Variants in FBN3 observed in about 807,000 individuals in gnomAD.
The protein encoded by FBN3 is fibrillin 3, also known as fibrillin-3.
A neutral mutation model predicts 330.1 loss-of-function variants in FBN3; 234 were observed. That is an observed-to-expected ratio of 0.71 (90% CI 0.64 to 0.79). The LOEUF (loss-of-function observed/expected upper bound fraction) is 0.79, where lower values mean the gene tolerates loss of function less well. Ranked by LOEUF, FBN3 falls within the 30% of genes least tolerant of loss-of-function variation. The pLI is 0.00. For missense variants in FBN3, 3,606 were observed against 3,886.9 expected (o/e 0.93, Z 1.92); for synonymous variants, 1,458 against 1,517.3 (o/e 0.96, Z 0.91).
chr19:8,090,396 G>A (rs2082068339), intron 48 of FBN3, 145 bp from the exon 49 acceptor site: 1 of 894,208 alleles, frequency 1.1e-6, no homozygotes, highest in Non-Finnish European at 1.7e-6. Flanking sequence ...CCCTGGTCAT[G>A]GTGATTGGTT....
chr19:8,069,968 G>C (rs1194233535), intron 63 of FBN3, among the ~76,000 whole-genome samples: 1 of 152,168 alleles, frequency 6.6e-6, no homozygotes, highest in Admixed American at 6.6e-5. Flanking sequence ...GCCCTTCTCT[G>C]TCTTGATCTA....
At position 8,085,344 on chromosome 19, in the gene FBN3, T is replaced by C; in HGVS notation, c.7087+19A>G. ...CCGTTTCTTGCCTCCCTGGGGGTCCTGAGGGCATGGGCACCCACCTCGGCC... is the reference window on the plus strand; with the variant it reads ...CCGTTTCTTGCCTCCCTGGGGGTCCCGAGGGCATGGGCACCCACCTCGGCC... On this transcript the variant is annotated intron_variant, in intron 56 of 63. Transcript: ENST00000600128. The C allele has an allele frequency of 6.4e-7, 1 of 1,555,520 alleles. No homozygotes were observed. The highest frequency in any genetic ancestry group is 1.4e-5 in the African/African-American group (1 of 73,162).
At chr19:8,078,319 T>C (rs2081691155) in intron 59 of FBN3, among the ~76,000 whole-genome samples, 1 of 152,200 alleles carries the variant, frequency 6.6e-6, no homozygotes, top group Admixed American at 6.6e-5. Context: ...GCTGCTTTGA[T>C]GCTAGCATGG....
intron 41 of FBN3, among the ~76,000 whole-genome samples, chr19:8,098,592 G>A (rs1436981146): frequency 6.7e-6 from 1 of 149,262 alleles, no homozygotes; most frequent in African/African-American, 2.5e-5. Flanking sequence ...ATCAGTGGGG[G>A]ACTGGAAACA....
At chr19:8,086,346 C>G in intron 54 of FBN3, 21 bp from the exon 55 acceptor site, 1 of 1,577,624 alleles carries the variant, frequency 6.3e-7, no homozygotes, top group African/African-American at 1.4e-5. Context: ...AGGGGTGAGG[C>G]AGGTGGGCGG....
At chr19:8,113,729 G>C (rs971100081) in intron 30 of FBN3, among the ~76,000 whole-genome samples, 4 of 151,034 alleles carry the variant, frequency 2.6e-5, no homozygotes, top group African/African-American at 9.8e-5. Flanking sequence ...ATACTACTGG[G>C]TGCAGTGACT....
intron 10 of FBN3, 100 bp from the exon 11 acceptor site, chr19:8,136,631 C>CTGGG: frequency 6.7e-7 from 1 of 1,494,986 alleles, no homozygotes; most frequent in East Asian, 2.3e-5. Context: ...CCCTCTAAGG[C>CTGGG]TGGGACCCTG....
rs1484940134 is a variant in FBN3, at chr19:8,131,739, A to G, written c.1805T>C (p.Leu602Pro). 6.2e-7 allele frequency: 1 copy of G among 1,613,690 alleles called. No homozygotes were observed. The highest frequency in any genetic ancestry group is 2.2e-5 in the East Asian group (1 of 44,866). ...GSFRCQCLGG[L>P]AVGTDGRVCV... ...CACGCGGCCATCCGTGCCTACCGCC[A>G]GCCCCCCCAGGCACTGGCAGCGGAA... Residue 602 changes from leucine to proline, a missense_variant, in exon 15 of 64, where the codon CTG becomes CCG. By Grantham distance (98) the Leu-to-Pro change is moderately conservative. Coordinates refer to ENST00000600128, the MANE Select transcript of FBN3 (RefSeq NM_032447.5). This position sits in a 1 kb window ranked among gnomAD's most constrained non-coding sequence, Gnocchi z 4.5.
At chr19:8,082,543 A>T (rs2081828483) in intron 57 of FBN3, among the ~76,000 whole-genome samples, 2 of 148,756 alleles carry the variant, frequency 1.3e-5, no homozygotes, top group South Asian at 4.3e-4. Flanking sequence ...GTCCAGACTA[A>T]ACTGCAGTGG....
At chr19:8,145,542 A>G (rs1349166153) in intron 5 of FBN3, among the ~76,000 whole-genome samples, 1 of 151,624 alleles carries the variant, frequency 6.6e-6, no homozygotes, top group Non-Finnish European at 1.5e-5. Flanking sequence ...TTAGTCAGGC[A>G]AGGTGGCGGG....
chr19:8,145,097 A>G (rs2008549), intron 5 of FBN3, 125 bp from the exon 6 acceptor site: 430,032 of 839,566 alleles, frequency 0.51, 113,911 homozygotes, highest in African/African-American at 0.75. Flanking sequence ...ACTGAGGCTG[A>G]GCTGAGTGGC....
In FBN3 at chr19:8,086,212, T is replaced by A. The variant is rs767420834; in HGVS notation, c.6868A>T (p.Thr2290Ser). ...DEGFQPSPTL[T>S]ECHDIRQGPC... Reference sequence around the variant, plus strand: ...CAGCCACACTCACCGTGGCACTCGGTAAGGGTGGGGCTGGGCTGGAATCCC... The same window carrying A: ...CAGCCACACTCACCGTGGCACTCGGAAAGGGTGGGGCTGGGCTGGAATCCC... The change falls in exon 55 of 64, where the codon ACC becomes TCC. Residue 2290 changes from threonine to serine, a missense_variant. Thr to Ser is a moderately conservative substitution (Grantham distance 58, BLOSUM62 1). Transcript: ENST00000600128. 4.4e-6 allele frequency: 7 copies of A among 1,595,470 alleles called. No homozygotes were observed. The highest frequency in any genetic ancestry group is 6.0e-6 in the Non-Finnish European group (7 of 1,168,918).
intron 47 of FBN3, among the ~76,000 whole-genome samples, chr19:8,093,439 T>A (rs377042764): frequency 6.6e-6 from 1 of 152,038 alleles, no homozygotes; most frequent in South Asian, 2.1e-4. Context: ...CTGGCTAACA[T>A]GGTGAAACCC....
chr19:8,092,177 CAA>C (rs138095815), intron 47 of FBN3, among the ~76,000 whole-genome samples: 1 of 115,760 alleles, frequency 8.6e-6, no homozygotes. Context: ...GACTCTGTCT[CAA>C]AAAAAAAAAA....
At chr19:8,079,287 T>C (rs2040327758) in intron 59 of FBN3, among the ~76,000 whole-genome samples, 1 of 152,048 alleles carries the variant, frequency 6.6e-6, no homozygotes, top group Non-Finnish European at 1.5e-5. Flanking sequence ...CCAGATGTGG[T>C]GAGCCTGTAG....
At chr19:8,138,040 C>G in intron 10 of FBN3, 101 bp downstream of exon 10, 1 of 1,346,884 alleles carries the variant, frequency 7.4e-7, no homozygotes, top group South Asian at 1.5e-5. Context: ...CCCTAACCCT[C>G]TCTCTGAGGC....
intron 54 of FBN3, 143 bp from the exon 55 acceptor site, chr19:8,086,468 A>AT (rs373108511): frequency 7.1e-6 from 2 of 280,178 alleles, no homozygotes; most frequent in Non-Finnish European, 6.1e-6. Context: ...TATTATTATT[A>AT]TTTTTTGAGA....
At chr19:8,089,114 C>T (rs562464127) in intron 51 of FBN3, among the ~76,000 whole-genome samples, 8 of 149,868 alleles carry the variant, frequency 5.3e-5, no homozygotes, top group South Asian at 2.1e-4. Context: ...GAATGAATGA[C>T]GTGTGAATGA....
Position 8,121,194 on chromosome 19 carries a change from TC to T in FBN3, c.3211+63del. ...CACACAGCAACAGCCGTCCCCACCC[TC>T]CCTCTCCTCAATGCCCTCCCTGCCC... On this transcript the variant is annotated intron_variant, in intron 25 of 63. Coordinates refer to ENST00000600128, the MANE Select transcript of FBN3 (RefSeq NM_032447.5). The surrounding 1 kb of genome is among the most constrained non-coding windows in gnomAD (Gnocchi z 4.5). 1.1e-6 allele frequency: 1 copy of T among 878,332 alleles called. No individual in the cohort carries two copies. The highest frequency in any genetic ancestry group is 1.7e-6 in the Non-Finnish European group (1 of 587,620). The allele number at this position is 878,332 out of a possible 1,614,324, so 54.4% of individuals were successfully genotyped here.
Sources: allele counts gnomAD v4.1 joint callset (sites outside exome capture counted in the v4.1 genomes callset), GRCh38; gene constraint gnomAD v4.1.1; non-coding constraint Gnocchi (gnomAD v3.1); transcripts MANE v1.5; gene names NCBI Gene and HGNC (gene_info 2026-07-23, HGNC 2026-07-21).